Variants in SUFU observed in about 807,000 individuals in gnomAD.
SUFU encodes the protein SUFU negative regulator of hedgehog signaling.
Under a neutral mutation model 58.9 loss-of-function variants are expected in SUFU, and 7 were observed. The observed-to-expected ratio is 0.12, with a 90% confidence interval of 0.07 to 0.22. The LOEUF (loss-of-function observed/expected upper bound fraction) is 0.22. Ranked by LOEUF, SUFU falls within the 10% of genes least tolerant of loss-of-function variation. The pLI is 1.00. For synonymous variants in SUFU, 232 were observed against 254.8 expected, an observed-to-expected ratio of 0.91 and a Z score of 0.85; for missense variants, 451 against 641.3, an observed-to-expected ratio of 0.70 and a Z score of 3.20.
intron 2 of SUFU, among the ~76,000 whole-genome samples, chr10:102,516,223 C>G (rs546922563): frequency 7.0e-6 from 1 of 143,850 alleles, no homozygotes. Flanking sequence ...TATAGGTGTG[C>G]GCCACCATGC....
At chr10:102,568,391 CT>C (rs1433485186) in intron 3 of SUFU, among the ~76,000 whole-genome samples, 2 of 152,098 alleles carry the variant, frequency 1.3e-5, no homozygotes, top group Non-Finnish European at 2.9e-5. Flanking sequence ...GCCTATGTTA[CT>C]TTGTAACTTA....
intron 3 of SUFU, among the ~76,000 whole-genome samples, chr10:102,569,927 G>A (rs979345652): frequency 2.6e-5 from 4 of 152,210 alleles, no homozygotes; most frequent in Non-Finnish European, 5.9e-5. Flanking sequence ...AAGACTTTGA[G>A]ATGGAATATG....
At chr10:102,602,590 T>G (rs866686064) in intron 8 of SUFU, among the ~76,000 whole-genome samples, 1 of 152,238 alleles carries the variant, frequency 6.6e-6, no homozygotes, top group Non-Finnish European at 1.5e-5. Context: ...CAAAATTATT[T>G]TGTGACACAA....
At chr10:102,525,917 T>C (rs926460142) in intron 2 of SUFU, among the ~76,000 whole-genome samples, 3 of 152,202 alleles carry the variant, frequency 2.0e-5, no homozygotes, top group Admixed American at 1.3e-4. Flanking sequence ...TCTTATATTC[T>C]TATTGGAGAA....
chr10:102,605,905 C>T (rs543894595), intron 8 of SUFU, among the ~76,000 whole-genome samples: 1 of 152,230 alleles, frequency 6.6e-6, no homozygotes, highest in Admixed American at 6.5e-5. Context: ...AGGAGAAGGC[C>T]CCAAGTCGTG....
Position 102,592,619 on chromosome 10 carries a change from C to T in SUFU, c.492C>T (p.His164=), listed in dbSNP as rs2135866687. ...TFCSGDHVSW[H]SPLDNSESRI... ...GCAGTGGGGACCATGTGTCCTGGCA[C>T]AGCCCTTTGGATAACAGTGAGTCAA... Residue 164 remains histidine (H), a synonymous_variant, in exon 4 of 12, where the codon CAC becomes CAT. Transcript: ENST00000369902. 1 of 1,614,164 alleles carries T rather than the reference C, an allele frequency of 6.2e-7. No individual in the cohort carries two copies. Among genetic ancestry groups the T allele is most frequent in the Non-Finnish European group, 8.5e-7 (1 of 1,180,030 alleles).
At chr10:102,564,402 G>T (rs934839940) in intron 3 of SUFU, among the ~76,000 whole-genome samples, 1 of 151,742 alleles carries the variant, frequency 6.6e-6, no homozygotes, top group Non-Finnish European at 1.5e-5. Context: ...GTGTGATCTC[G>T]GCTTACTGCA....
rs1160227396 is a variant in SUFU, at chr10:102,594,206, GA to G, written c.756+143del. On this transcript the variant is annotated intron_variant, in intron 6 of 11. Coordinates refer to ENST00000369902, the MANE Select transcript of SUFU (RefSeq NM_016169.4). ...TGGCATCACTTGGAACTTGTCCCCT[GA>G]ATTCTGCAGAGCACGTAGGGAGCAG... is the stretch of plus-strand genomic sequence containing the variant. 4.8e-6 allele frequency: 4 copies of G among 830,160 alleles called. No individual in the cohort carries two copies. The Admixed American group carries it at 6.0e-5, about 12-fold the overall frequency. 51.4% of individuals were successfully genotyped at this position (830,160 alleles called of 1,614,324 possible).
intron 8 of SUFU, among the ~76,000 whole-genome samples, chr10:102,606,540 A>G (rs1161818000): frequency 2.6e-5 from 4 of 152,142 alleles, no homozygotes; most frequent in Non-Finnish European, 5.9e-5. Flanking sequence ...GTCAGCCAGG[A>G]TTTGAACCTG....
intron 2 of SUFU, among the ~76,000 whole-genome samples, chr10:102,541,771 T>A (rs1217608668): frequency 7.3e-6 from 1 of 137,112 alleles, no homozygotes; most frequent in African/African-American, 2.7e-5. Context: ...TATAATGGTG[T>A]GATCTCGGCT....
At chr10:102,557,238 A>G (rs918107862) in intron 3 of SUFU, among the ~76,000 whole-genome samples, 1 of 151,846 alleles carries the variant, frequency 6.6e-6, no homozygotes, top group African/African-American at 2.4e-5. Flanking sequence ...TCTAAAAAAA[A>G]AAAAAAAGAA....
At chr10:102,589,793 C>CT (rs2063376555) in intron 3 of SUFU, among the ~76,000 whole-genome samples, 1 of 152,062 alleles carries the variant, frequency 6.6e-6, no homozygotes, top group African/African-American at 2.4e-5. Flanking sequence ...GGCTTGCACT[C>CT]TAATACAGTG....
upstream of SUFU, among the ~76,000 whole-genome samples, chr10:102,503,285 C>T (rs2062274074): frequency 6.6e-6 from 1 of 152,118 alleles, no homozygotes; most frequent in Non-Finnish European, 1.5e-5. Flanking sequence ...ATTGTCGTTG[C>T]CTTTTGCATT....
At chr10:102,503,091 C>A (rs952742227), upstream of SUFU, among the ~76,000 whole-genome samples, 1 of 152,122 alleles carries the variant, frequency 6.6e-6, no homozygotes, top group African/African-American at 2.4e-5. Context: ...CCCGACGTTC[C>A]CTTAGACAAT....
rs2063720302 is a variant in SUFU at position 102,619,360 on chromosome 10, T to C, written c.1296+1932T>C. ...CAGCACCCGCTGGCTCCCCAGCACA[T>C]GGTCCCCTCCCATGGGCTGTTGCCC... On this transcript the variant is annotated intron_variant, in intron 10 of 11. Transcript: ENST00000369902. This position sits in a 1 kb window ranked among gnomAD's most constrained non-coding sequence, Gnocchi z 4.2. 1.4e-6 allele frequency: 2 copies of C among 1,416,094 alleles called. No individual in the cohort carries two copies. Among genetic ancestry groups the C allele is most frequent in the African/African-American group, 1.4e-5 (1 of 69,324 alleles). The allele number at this position is 1,416,094 out of a possible 1,614,324, so 87.7% of individuals were successfully genotyped here.
chr10:102,617,299 C>T lies in SUFU; in HGVS notation c.1167C>T (p.Leu389=), dbSNP rs2063696761. 6.2e-7 allele frequency: 1 copy of T among 1,614,112 alleles called. No homozygotes were observed. Among genetic ancestry groups the T allele is most frequent in the African/African-American group, 1.3e-5 (1 of 74,934 alleles). Residue 389 remains leucine (L), a synonymous_variant, in exon 10 of 12, where the codon CTC becomes CTT. Coordinates refer to ENST00000369902, the MANE Select transcript of SUFU (RefSeq NM_016169.4). The surrounding 1 kb of genome is among the most constrained non-coding windows in gnomAD (Gnocchi z 4.4). ...ALIPLCLRGR[L]LHGRHFTYKS... ...ATGTTCCCATCTCCAGGGGCAGGCTCCTGCATGGACGGCACTTTACATATA... is the reference window on the plus strand; with the variant it reads ...ATGTTCCCATCTCCAGGGGCAGGCTTCTGCATGGACGGCACTTTACATATA...
At chr10:102,543,307 G>A (rs2062823102) in intron 2 of SUFU, among the ~76,000 whole-genome samples, 1 of 152,120 alleles carries the variant, frequency 6.6e-6, no homozygotes, top group African/African-American at 2.4e-5. Context: ...TTTATTATGT[G>A]TGAGGTCAAA....
At chr10:102,588,348 G>A (rs1240653695) in intron 3 of SUFU, among the ~76,000 whole-genome samples, 11 of 149,868 alleles carry the variant, frequency 7.3e-5, no homozygotes, top group Admixed American at 2.7e-4. Flanking sequence ...AGCCGAGATC[G>A]TGCCACTACA....
rs2062284375 is a variant in SUFU at position 102,503,989 on chromosome 10, C to T, written c.-164C>T. 1 of 1,046,728 alleles carries T rather than the reference C, an allele frequency of 9.6e-7. No homozygotes were observed. The highest frequency in any genetic ancestry group is 1.3e-6 in the Non-Finnish European group (1 of 779,136). 64.8% of individuals were successfully genotyped at this position (1,046,728 alleles called of 1,614,324 possible). A position where few individuals can be genotyped will look rare whatever the true frequency, so the allele number is the denominator to read the frequency against. ...CCTCTGGCAGACTCGGCGGCGGCGA[C>T]AGCCTGGGCGGACAGTGCGCCGTGC... On this transcript the variant is annotated 5_prime_UTR_variant, in exon 1 of 12. Transcript: ENST00000369902.
Sources: gnomAD v4.1 joint callset for allele counts (sites outside exome capture counted in the v4.1 genomes callset) on GRCh38, gnomAD v4.1.1 for gene constraint, Gnocchi (gnomAD v3.1) non-coding constraint, MANE v1.5 for transcripts, NCBI Gene and HGNC (gene_info 2026-07-23, HGNC 2026-07-21) for gene names.